The following MGAT4D variants were observed in gnomAD, a reference collection of about 807,000 sequenced individuals.
MGAT4D encodes MGAT4 family member D, also known as alpha-1,3-mannosyl-glycoprotein 4-beta-N-acetylglucosaminyltransferase-like protein MGAT4D.
Under a neutral mutation model 15.9 loss-of-function variants are expected in MGAT4D, and 34 were observed. The ratio of observed to expected loss-of-function variants is 2.14; its 90% CI spans 1.62 to 2.84. MGAT4D has a LOEUF of 2.84. Among genes scored for constraint, MGAT4D ranks in the 30% most tolerant of loss-of-function variants. The pLI is 0.00. For synonymous variants in MGAT4D, 112 were observed against 48.2 expected, an observed-to-expected ratio of 2.33 and a Z score of -5.49; for missense variants, 327 against 140.2, an observed-to-expected ratio of 2.33 and a Z score of -6.73.
chr4:140,481,502 G>A (rs558891826), intron 2 of MGAT4D, among the ~76,000 whole-genome samples: 1 of 152,268 alleles, frequency 6.6e-6, no homozygotes, highest in East Asian at 1.9e-4. Context: ...CCAAACACAT[G>A]TACATGAATG....
intron 2 of MGAT4D, 44 bp from the exon 3 acceptor site, chr4:140,479,671 T>C (rs965466479): frequency 7.8e-6 from 3 of 383,026 alleles, no homozygotes; most frequent in Admixed American, 9.1e-5. Context: ...ATCATAGGGA[T>C]TTTTCTCCCC....
chr4:140,461,491 CTG>C (rs1731170785), intron 7 of MGAT4D, among the ~76,000 whole-genome samples: 1 of 152,040 alleles, frequency 6.6e-6, no homozygotes, highest in Non-Finnish European at 1.5e-5. Flanking sequence ...GCACTGAGAA[CTG>C]TGTTACTCAT....
Position 140,456,662 on chromosome 4 carries a change from T to C in MGAT4D, c.935A>G (p.Tyr312Cys), listed in dbSNP as rs1206934454. ...THFVRFFLMF[Y>C]KEKPIDWLLN... ...GAGCCAGTCTATGGGTTTCTCTTTGTAGAACATTAAAAAAAACCGTACAAA... is the reference window on the plus strand; with the variant it reads ...GAGCCAGTCTATGGGTTTCTCTTTGCAGAACATTAAAAAAAACCGTACAAA... Residue 312 changes from tyrosine to cysteine, a missense_variant, in exon 9 of 11, where the codon TAC becomes TGC. By Grantham distance (194) the Tyr-to-Cys change is radical (BLOSUM62 -2). Coordinates refer to ENST00000511113, the MANE Select transcript of MGAT4D (RefSeq NM_001277353.2). The C allele has an allele frequency of 2.9e-6, 2 of 698,788 alleles. No homozygotes were observed. The highest frequency in any genetic ancestry group is 1.8e-5 in the African/African-American group (1 of 57,082). The allele number at this position is 698,788 out of a possible 1,614,324, so 43.3% of individuals were successfully genotyped here.
At chr4:140,450,013 C>T (rs985799423) in intron 10 of MGAT4D, 4 of 271,812 alleles carry the variant, frequency 1.5e-5, no homozygotes, top group Non-Finnish European at 2.0e-5. Context: ...ATGATGTAGT[C>T]GCTTAAGAAA....
intron 9 of MGAT4D, among the ~76,000 whole-genome samples, chr4:140,456,163 C>G (rs1730782929): frequency 6.6e-6 from 1 of 152,092 alleles, no homozygotes; most frequent in Admixed American, 6.6e-5. Context: ...TACTGCAAAT[C>G]TCCTTTGATT....
intron 1 of MGAT4D, among the ~76,000 whole-genome samples, chr4:140,488,768 A>G (rs541775968): frequency 6.6e-5 from 10 of 152,290 alleles, no homozygotes; most frequent in South Asian, 2.1e-4. Context: ...CATTTGAGTC[A>G]TGGGGGAAGA....
At chr4:140,454,966 G>A (rs1012090993) in intron 9 of MGAT4D, among the ~76,000 whole-genome samples, 1 of 151,966 alleles carries the variant, frequency 6.6e-6, no homozygotes, top group African/African-American at 2.4e-5. Context: ...TTGATAACCT[G>A]TATTTTTTGT....
intron 1 of MGAT4D, among the ~76,000 whole-genome samples, chr4:140,484,268 T>C (rs1235891572): frequency 6.6e-6 from 1 of 152,106 alleles, no homozygotes; most frequent in Admixed American, 6.6e-5. Flanking sequence ...AAGACATGAA[T>C]ATGGCCAAGT....
chr4:140,446,468 A>G (rs1317717436), intron 10 of MGAT4D, among the ~76,000 whole-genome samples: 1 of 152,152 alleles, frequency 6.6e-6, no homozygotes, highest in African/African-American at 2.4e-5. Context: ...AGGTGTTCAT[A>G]ACAGTCTCTT....
chr4:140,461,205 G>C (rs932328972), intron 7 of MGAT4D, among the ~76,000 whole-genome samples: 3 of 152,156 alleles, frequency 2.0e-5, no homozygotes. Flanking sequence ...GAGTACATTG[G>C]CTGGATCTTG....
intron 5 of MGAT4D, among the ~76,000 whole-genome samples, chr4:140,465,539 T>C (rs1285551910): frequency 6.6e-6 from 1 of 152,158 alleles, no homozygotes; most frequent in Non-Finnish European, 1.5e-5. Flanking sequence ...AACAAGGTCA[T>C]CACTAAACTA....
rs1729834334 is a variant in MGAT4D, at chr4:140,442,327, G to A, written c.*1109C>T. The A allele has an allele frequency of 6.6e-6, 1 of 152,088 alleles. No individual in the cohort carries two copies. Among genetic ancestry groups the A allele is most frequent in the African/African-American group, 2.4e-5 (1 of 41,424 alleles). 9.4% of individuals were successfully genotyped at this position (152,088 alleles called of 1,614,324 possible). A position where few individuals can be genotyped will look rare whatever the true frequency, so the allele number is the denominator to read the frequency against. On this transcript the variant is annotated 3_prime_UTR_variant, in exon 11 of 11. Transcript: ENST00000511113. ...AGTTCATACTGAGGCGAATGTGTGA[G>A]ATCTTGGCACTCAAGAATAAGGCAA...
intron 5 of MGAT4D, among the ~76,000 whole-genome samples, chr4:140,469,783 ACT>A (rs1731794777): frequency 6.6e-6 from 1 of 152,130 alleles, no homozygotes; most frequent in East Asian, 1.9e-4. Flanking sequence ...CGGGGGAATA[ACT>A]CTCAATAGTT....
At chr4:140,460,273 AAAC>A (rs1731088733) in intron 7 of MGAT4D, among the ~76,000 whole-genome samples, 1 of 152,224 alleles carries the variant, frequency 6.6e-6, no homozygotes, top group South Asian at 2.1e-4. Flanking sequence ...GGTAGTTTAT[AAAC>A]AACAAACATT....
At chr4:140,467,839 C>T (rs559816048) in intron 5 of MGAT4D, among the ~76,000 whole-genome samples, 26 of 151,930 alleles carry the variant, frequency 1.7e-4, no homozygotes, top group Non-Finnish European at 3.4e-4. Flanking sequence ...TATACAGTTT[C>T]ATATGAGGTT....
intron 7 of MGAT4D, among the ~76,000 whole-genome samples, chr4:140,460,422 G>C (rs928940080): frequency 2.0e-5 from 3 of 152,138 alleles, no homozygotes; most frequent in Non-Finnish European, 4.4e-5. Context: ...AGCTCTCTGA[G>C]GTATCTTTTA....
At chr4:140,474,010 T>C (rs1331150885) in intron 4 of MGAT4D, among the ~76,000 whole-genome samples, 1 of 152,202 alleles carries the variant, frequency 6.6e-6, no homozygotes, top group African/African-American at 2.4e-5. Context: ...CCATTTTTAC[T>C]GTTTTTATAC....
rs568836747 is a variant in MGAT4D, at chr4:140,449,956, A to G, written c.1116+1454T>C. 3.4e-5 allele frequency: 8 copies of G among 232,070 alleles called. No individual in the cohort carries two copies. In the East Asian group the frequency reaches 6.8e-4, roughly 20 times the overall value. 14.4% of individuals were successfully genotyped at this position (232,070 alleles called of 1,614,324 possible). On this transcript the variant is annotated intron_variant, in intron 10 of 10. Coordinates refer to ENST00000511113, the MANE Select transcript of MGAT4D (RefSeq NM_001277353.2). Reference sequence around the variant, plus strand: ...TGATGATTGTCTATATATTTATACCAATTTTCTTATACTTGCCACTTTATT... The same window carrying G: ...TGATGATTGTCTATATATTTATACCGATTTTCTTATACTTGCCACTTTATT...
At chr4:140,466,149 CAGATGAA>C (rs1731516709) in intron 5 of MGAT4D, among the ~76,000 whole-genome samples, 1 of 146,850 alleles carries the variant, frequency 6.8e-6, no homozygotes, top group African/African-American at 2.5e-5. Context: ...AATTGGCTGA[CAGATGAA>C]AGTGCAGAAG....
Sources: gnomAD v4.1 joint callset for allele counts (sites outside exome capture counted in the v4.1 genomes callset) on GRCh38, gnomAD v4.1.1 for gene constraint, MANE v1.5 for transcripts, NCBI Gene and HGNC (gene_info 2026-07-23, HGNC 2026-07-21) for gene names.